Variants in ADCY7 observed in about 807,000 individuals in gnomAD.
ADCY7 encodes the protein adenylate cyclase 7, also known as adenylate cyclase type 7.
In ADCY7, 72 loss-of-function variants were observed where a neutral mutation model predicts 120.6. The ratio of observed to expected loss-of-function variants is 0.60; its 90% CI spans 0.49 to 0.73. The LOEUF (loss-of-function observed/expected upper bound fraction) is 0.73. Among genes scored for constraint, ADCY7 ranks in the 30% least tolerant of loss-of-function variants. The pLI is 0.00. For synonymous variants in ADCY7, 661 were observed against 628.0 expected (o/e 1.05, Z -0.78); for missense variants, 1,227 against 1,486.0 (o/e 0.83, Z 2.87).
chr16:50,293,498 G>A lies in ADCY7; in HGVS notation c.832G>A (p.Val278Ile), dbSNP rs199634769. ...HSLYVKRHQNVSILYADIVGF... is the reference protein window; with the variant it reads ...HSLYVKRHQNISILYADIVGF... ...CCTCTACGTCAAGAGGCACCAGAAT[G>A]TCAGGTGGGCGGTGAGACGTGTGAT... The change falls in exon 6 of 26, where the codon GTC (valine) becomes ATC (isoleucine). Residue 278 changes from valine to isoleucine, a missense_variant. Transcript: ENST00000673801. The A allele has an allele frequency of 2.5e-6, 4 of 1,613,876 alleles. No homozygotes were observed. Among genetic ancestry groups the A allele is most frequent in the Non-Finnish European group, 3.4e-6 (4 of 1,179,958 alleles).
intron 1 of ADCY7, among the ~76,000 whole-genome samples, chr16:50,268,359 C>T (rs2033348017): frequency 6.6e-6 from 1 of 152,122 alleles, no homozygotes; most frequent in Non-Finnish European, 1.5e-5. Context: ...TCCACCTCGA[C>T]CTCCCAAAGT....
intron 20 of ADCY7, 38 bp downstream of exon 20, chr16:50,311,824 C>T: frequency 7.3e-7 from 1 of 1,372,250 alleles, no homozygotes. Flanking sequence ...CCAAGCTCTG[C>T]CCACTTTTCC....
intron 1 of ADCY7, among the ~76,000 whole-genome samples, chr16:50,281,332 A>G (rs1042883283): frequency 4.6e-5 from 7 of 152,232 alleles, no homozygotes; most frequent in African/African-American, 1.2e-4. Context: ...GATTGGGTGC[A>G]GGCATCCTCC....
rs940040972 is a variant in ADCY7, at chr16:50,317,672, AACTG to A, written c.*2170_*2173del. 1 of 152,338 alleles carries A rather than the reference AACTG, an allele frequency of 6.6e-6. No individual in the cohort carries two copies. Among genetic ancestry groups the A allele is most frequent in the African/African-American group, 2.4e-5 (1 of 41,434 alleles). The allele number at this position is 152,338 out of a possible 1,614,324, so 9.4% of individuals were successfully genotyped here. A position where few individuals can be genotyped will look rare whatever the true frequency, so the allele number is the denominator to read the frequency against. ...TTTCAGTGTTCAGGTTATAGAATAT[AACTG>A]ACCATAAAAATTACCTGCAGGTATT... On this transcript the variant is annotated 3_prime_UTR_variant, in exon 26 of 26. Transcript: ENST00000673801.
At chr16:50,293,245 G>A (rs978600432) in intron 5 of ADCY7, 109 bp from the exon 6 acceptor site, 3 of 1,290,254 alleles carry the variant, frequency 2.3e-6, no homozygotes, top group African/African-American at 2.9e-5. Context: ...GGGAGGATGG[G>A]GGCCAAGGAG....
chr16:50,287,547 C>T (rs929082379), intron 1 of ADCY7, among the ~76,000 whole-genome samples: 1 of 151,564 alleles, frequency 6.6e-6, no homozygotes, highest in Non-Finnish European at 1.5e-5. Context: ...TAAAAATTAG[C>T]TGCACACCTG....
rs151207781 is a variant in ADCY7, at chr16:50,293,444, C to G, written c.778C>G (p.Arg260Gly). Reference protein sequence around the residue: ...IERLKEHGDRRCMPDNNFHSL... With the variant: ...IERLKEHGDRGCMPDNNFHSL... ...ACGGCTCAAGGAGCATGGTGACCGT[C>G]GCTGCATGCCTGACAACAACTTCCA... The change falls in exon 6 of 26, where the codon CGC becomes GGC. Residue 260 changes from arginine to glycine, a missense_variant. Arg to Gly is a moderately radical substitution (Grantham distance 125). This residue lies in a region of ADCY7 where 382 missense variants were observed against 411.4 expected (regional missense o/e 0.93). Transcript: ENST00000673801. The G allele has an allele frequency of 6.2e-7, 1 of 1,614,076 alleles. No individual in the cohort carries two copies. The highest frequency in any genetic ancestry group is 2.2e-5 in the East Asian group (1 of 44,888).
In ADCY7 at chr16:50,288,466, G is replaced by GTTTGT. The variant is rs1261755130; in HGVS notation, c.171+130_171+134dup. On this transcript the variant is annotated intron_variant, in intron 2 of 25. Coordinates refer to ENST00000673801, the MANE Select transcript of ADCY7 (RefSeq NM_001114.5). Reference sequence around the variant, plus strand: ...CTTCTGTAAAATGCTATGCTTTTTTGTTTGTTTTGTTTTGTTTTTGGGTTT... The same window carrying GTTTGT: ...CTTCTGTAAAATGCTATGCTTTTTTGTTTGTTTTGTTTTGTTTTGTTTTTGGGTTT... 11 of 1,187,050 alleles carry GTTTGT rather than the reference G, an allele frequency of 9.3e-6. No homozygotes were observed. In the South Asian group the frequency reaches 1.2e-4, roughly 13 times the overall value. 73.5% of individuals were successfully genotyped at this position (1,187,050 alleles called of 1,614,324 possible).
At chr16:50,302,687 C>A (rs1386382846) in intron 10 of ADCY7, among the ~76,000 whole-genome samples, 1 of 151,730 alleles carries the variant, frequency 6.6e-6, no homozygotes, top group East Asian at 1.9e-4. Flanking sequence ...TCAGAGGGGA[C>A]CTGTGCAGTG....
intron 1 of ADCY7, among the ~76,000 whole-genome samples, chr16:50,275,370 G>A (rs1021253359): frequency 1.3e-5 from 2 of 152,236 alleles, no homozygotes; most frequent in Non-Finnish European, 2.9e-5. Context: ...CAATTAAGGG[G>A]AGGCTAGTGG....
intron 1 of ADCY7, among the ~76,000 whole-genome samples, chr16:50,253,087 A>G (rs926281409): frequency 2.6e-5 from 4 of 152,174 alleles, no homozygotes; most frequent in Non-Finnish European, 5.9e-5. Flanking sequence ...AGCCTTTGAC[A>G]CAGGAGGTGC....
intron 1 of ADCY7, among the ~76,000 whole-genome samples, chr16:50,260,124 G>A (rs1239787930): frequency 6.6e-6 from 1 of 152,226 alleles, no homozygotes; most frequent in Non-Finnish European, 1.5e-5. Context: ...GTCCTCCCAC[G>A]TAGGGTGAGC....
Position 50,290,408 on chromosome 16 carries a change from C to G in ADCY7, c.172-49C>G, listed in dbSNP as rs779326668. ...CCGGCAGGCTTTCTGGAGGAGGTGGCTCTGCACTGGGGAAAGCCGAGGCAT... is the reference window on the plus strand; with the variant it reads ...CCGGCAGGCTTTCTGGAGGAGGTGGGTCTGCACTGGGGAAAGCCGAGGCAT... On this transcript the variant is annotated intron_variant, in intron 2 of 25. Coordinates refer to ENST00000673801, the MANE Select transcript of ADCY7 (RefSeq NM_001114.5). 7 of 1,605,658 alleles carry G rather than the reference C, an allele frequency of 4.4e-6. No individual in the cohort carries two copies. The South Asian group carries it at 6.7e-5, about 15-fold the overall frequency.
At chr16:50,254,316 C>T (rs11076527) in intron 1 of ADCY7, among the ~76,000 whole-genome samples, 141,164 of 152,198 alleles carry the variant, frequency 0.93, 66,405 homozygotes, top group East Asian at 1. Flanking sequence ...CCACACACAG[C>T]CCCCTCCAGG....
intron 5 of ADCY7, 137 bp downstream of exon 5, chr16:50,292,962 G>C: frequency 8.6e-7 from 1 of 1,164,040 alleles, no homozygotes; most frequent in South Asian, 1.4e-5. Context: ...GGTGAGTCCT[G>C]GGCTCCAGCA....
chr16:50,263,191 C>G (rs1190955679), upstream of ADCY7, among the ~76,000 whole-genome samples: 2 of 152,110 alleles, frequency 1.3e-5, no homozygotes, highest in Non-Finnish European at 1.5e-5. Context: ...GTGGGGCTGC[C>G]AGGGAGTGCC....
Position 50,315,027 on chromosome 16 carries a change from G to A in ADCY7, c.2985G>A (p.Gly995=), listed in dbSNP as rs1317395355. ...CATCATCTTCAGGCATAAACCATGG[G>A]CCTGTGATTGCTGGAGTGATTGGGG... ...SFRLRVGINH[G]PVIAGVIGAR... The change falls in exon 25 of 26, where the codon GGG becomes GGA. Residue 995 remains glycine (G), a synonymous_variant. Coordinates refer to ENST00000673801, the MANE Select transcript of ADCY7 (RefSeq NM_001114.5). The A allele has an allele frequency of 6.2e-7, 1 of 1,614,212 alleles. No individual in the cohort carries two copies.
intron 6 of ADCY7, 61 bp from the exon 7 acceptor site, chr16:50,294,579 C>T: frequency 8.9e-7 from 1 of 1,123,298 alleles, no homozygotes; most frequent in Non-Finnish European, 1.3e-6. Context: ...CCTGCGTGCT[C>T]CTGCTGCTGC....
rs564158113 is a variant in ADCY7, at chr16:50,312,872, C to T, written c.2605-18C>T. ...TCAAGAGGTGAAGTGGTGTAAGGTCCGGTTTCTTCCCATCCAGGACTGGTA... is the reference window on the plus strand; with the variant it reads ...TCAAGAGGTGAAGTGGTGTAAGGTCTGGTTTCTTCCCATCCAGGACTGGTA... On this transcript the variant is annotated intron_variant, in intron 21 of 25. Coordinates refer to ENST00000673801, the MANE Select transcript of ADCY7 (RefSeq NM_001114.5). 48 of 1,611,272 alleles carry T rather than the reference C, an allele frequency of 3.0e-5. No homozygotes were observed. Among genetic ancestry groups the T allele is most frequent in the Non-Finnish European group, 3.4e-5 (40 of 1,178,460 alleles).
Sources: allele counts gnomAD v4.1 joint callset (sites outside exome capture counted in the v4.1 genomes callset), GRCh38; gene constraint gnomAD v4.1.1; regional missense constraint gnomAD v4.1.1; transcripts MANE v1.5; gene names NCBI Gene and HGNC (gene_info 2026-07-23, HGNC 2026-07-21).